The following AKAP13 variants were observed in gnomAD, a reference collection of about 807,000 sequenced individuals.
AKAP13 encodes the protein A-kinase anchor protein 13.
A neutral mutation model predicts 264.5 loss-of-function variants in AKAP13; 80 were observed. The ratio of observed to expected loss-of-function variants is 0.30; its 90% CI spans 0.25 to 0.36. The LOEUF (loss-of-function observed/expected upper bound fraction) is 0.36. Ranked by LOEUF, AKAP13 falls within the 10% of genes least tolerant of loss-of-function variation. The pLI is 1.00. For synonymous variants in AKAP13, 1,380 were observed against 1,250.2 expected (o/e 1.10, Z -2.19); for missense variants, 3,712 against 3,435.2 (o/e 1.08, Z -2.01).
At chr15:85,592,706 G>A (rs767103216) in intron 8 of AKAP13, among the ~76,000 whole-genome samples, 2 of 152,098 alleles carry the variant, frequency 1.3e-5, no homozygotes, top group Non-Finnish European at 2.9e-5. Flanking sequence ...ATTTTTTGGA[G>A]ACTCTCTGTA....
intron 8 of AKAP13, among the ~76,000 whole-genome samples, chr15:85,586,764 A>G (rs1394030710): frequency 6.6e-6 from 1 of 151,908 alleles, no homozygotes; most frequent in African/African-American, 2.4e-5. Context: ...TGTTTTTACT[A>G]AAAATACAAA....
rs766847954 is a variant in AKAP13 at position 85,581,570 on chromosome 15, A to G, written c.3502A>G (p.Ser1168Gly). ...EKGKLEGADH[S>G]CTMGDAEEAQ... ...AGGGAAGCTGGAGGGAGCAGACCAC[A>G]GCTGTACCATGGGTGACGCTGAGGA... Residue 1168 changes from serine (S) to glycine (G), a missense_variant, in exon 7 of 37, where the codon AGC becomes GGC. Coordinates refer to ENST00000394518, the MANE Select transcript of AKAP13 (RefSeq NM_007200.5). 2 of 1,614,172 alleles carry G rather than the reference A, an allele frequency of 1.2e-6. No homozygotes were observed. Among genetic ancestry groups the G allele is most frequent in the Non-Finnish European group, 1.7e-6 (2 of 1,180,040 alleles).
chr15:85,403,406 G>T (rs2071515130), intron 1 of AKAP13, among the ~76,000 whole-genome samples: 1 of 152,100 alleles, frequency 6.6e-6, no homozygotes, highest in Non-Finnish European at 1.5e-5. Flanking sequence ...AACGTGGTGG[G>T]CATTAGTGCC....
chr15:85,647,054 G>A (rs183261316), intron 10 of AKAP13, among the ~76,000 whole-genome samples: 1 of 152,326 alleles, frequency 6.6e-6, no homozygotes, highest in East Asian at 1.9e-4. Context: ...GAGAGCAGTT[G>A]TGTTAGTGGG....
intron 17 of AKAP13, among the ~76,000 whole-genome samples, chr15:85,707,797 C>T (rs933097569): frequency 4.2e-5 from 6 of 142,168 alleles, no homozygotes; most frequent in Non-Finnish European, 7.7e-5. Flanking sequence ...AAGACACAAA[C>T]ACCGAAAAAA....
chr15:85,570,074 T>TAAAA (rs2078757300), intron 5 of AKAP13, among the ~76,000 whole-genome samples: 2 of 16,792 alleles, frequency 1.2e-4, no homozygotes, highest in African/African-American at 2.1e-4. Context: ...AGACTCCGTC[T>TAAAA]CAAAAAAAAA....
intron 1 of AKAP13, among the ~76,000 whole-genome samples, chr15:85,447,980 A>G (rs1459195357): frequency 6.6e-6 from 1 of 152,098 alleles, no homozygotes; most frequent in East Asian, 1.9e-4. Flanking sequence ...TAATTTACCA[A>G]CTCACCAGCA....
intron 1 of AKAP13, among the ~76,000 whole-genome samples, chr15:85,417,997 A>G (rs1292399977): frequency 6.6e-6 from 1 of 151,484 alleles, no homozygotes; most frequent in Non-Finnish European, 1.5e-5. Flanking sequence ...ACGTAATTAT[A>G]AAATTGAGAT....
At chr15:85,483,121 G>A (rs1417196947) in intron 1 of AKAP13, among the ~76,000 whole-genome samples, 9 of 152,214 alleles carry the variant, frequency 5.9e-5, no homozygotes, top group African/African-American at 2.2e-4. Flanking sequence ...CCTCATTCCA[G>A]TGTGGCGGGA....
intron 5 of AKAP13, among the ~76,000 whole-genome samples, chr15:85,554,651 A>G (rs1407315277): frequency 6.6e-6 from 1 of 152,058 alleles, no homozygotes. Flanking sequence ...GAATTATACC[A>G]GCCCTCTAGC....
intron 8 of AKAP13, among the ~76,000 whole-genome samples, chr15:85,613,713 T>TATATATATATATATATATATA (rs1254657975): frequency 2.5e-4 from 28 of 110,880 alleles, no homozygotes; most frequent in Middle Eastern, 4.4e-3. Context: ...TATATATATA[T>TATATATATATATATATATATA]TAGGAGTGCT....
intron 5 of AKAP13, among the ~76,000 whole-genome samples, chr15:85,562,576 T>A (rs56216081): frequency 0.38 from 15,221 of 40,410 alleles, 2,010 homozygotes; most frequent in Middle Eastern, 0.48. Context: ...AAAAAAAAAA[T>A]ATATATATAT....
At chr15:85,467,090 A>T (rs1212538878) in intron 1 of AKAP13, among the ~76,000 whole-genome samples, 1 of 151,736 alleles carries the variant, frequency 6.6e-6, no homozygotes. Context: ...ACACACACAC[A>T]CACACACACA....
At chr15:85,614,897 T>C (rs1321353341) in intron 8 of AKAP13, among the ~76,000 whole-genome samples, 2 of 152,198 alleles carry the variant, frequency 1.3e-5, no homozygotes, top group African/African-American at 4.8e-5. Flanking sequence ...AGGTATTCAG[T>C]AAATGTTGTG....
rs1022366126 is a variant in AKAP13, at chr15:85,415,844, T to TA, written c.-12+35054dup. On this transcript the variant is annotated intron_variant, in intron 1 of 36. Transcript: ENST00000394518. ...TAATAAATAAATGTGTTTGTGCTAA[T>TA]AAAAAAAATGAGATGTGTATATTGA... is the stretch of plus-strand genomic sequence containing the variant. Among the ~76,000 whole-genome samples, 6 of 151,734 alleles carry TA rather than the reference T, an allele frequency of 4.0e-5. No individual in the cohort carries two copies. The East Asian group carries it at 5.8e-4, about 15-fold the overall frequency.
chr15:85,504,516 A>G (rs1596355026), intron 2 of AKAP13, among the ~76,000 whole-genome samples: 1 of 76,666 alleles, frequency 1.3e-5, no homozygotes, highest in East Asian at 3.1e-4. Flanking sequence ...AAAAAAAAAA[A>G]AAAAAAAAAA....
chr15:85,526,093 T>TA (rs1177580544), intron 3 of AKAP13, among the ~76,000 whole-genome samples: 32 of 152,336 alleles, frequency 2.1e-4, no homozygotes, highest in African/African-American at 7.7e-4. Flanking sequence ...TCCTTTTCTT[T>TA]TTCACTGATA....
chr15:85,408,075 G>A (rs2071762114), intron 1 of AKAP13, among the ~76,000 whole-genome samples: 1 of 151,710 alleles, frequency 6.6e-6, no homozygotes, highest in Non-Finnish European at 1.5e-5. Context: ...AGGCTGCTGG[G>A]TGAATGAGAG....
chr15:85,521,379 G>A (rs1012672002), intron 2 of AKAP13, 49 bp from the exon 3 acceptor site: 6 of 1,597,106 alleles, frequency 3.8e-6, no homozygotes, highest in African/African-American at 2.7e-5. Context: ...GATAGGCTGC[G>A]AAGAGGAACC....
Sources: gnomAD v4.1 joint callset for allele counts (sites outside exome capture counted in the v4.1 genomes callset) on GRCh38, gnomAD v4.1.1 for gene constraint, MANE v1.5 for transcripts, NCBI Gene and HGNC (gene_info 2026-07-23, HGNC 2026-07-21) for gene names.